The following HPF1 variants were observed in gnomAD, a reference collection of about 807,000 sequenced individuals.
HPF1 encodes histone PARylation factor 1, also known as UPF0609 protein C4orf27.
In HPF1, 35 loss-of-function variants were observed where a neutral mutation model predicts 38.8. The observed-to-expected ratio is 0.90, with a 90% CI of 0.69 to 1.19. The LOEUF is 1.19. HPF1 is among the 50% of genes most tolerant of loss of function. The pLI, the probability that HPF1 is intolerant of heterozygous loss-of-function variation, is 0.00. For synonymous variants in HPF1, 115 were observed against 139.2 expected (o/e 0.83, Z 1.22); for missense variants, 367 against 405.8 (o/e 0.90, Z 0.82).
intron 5 of HPF1, among the ~76,000 whole-genome samples, chr4:169,738,731 G>A (rs1040606849): frequency 1.3e-5 from 2 of 152,090 alleles, no homozygotes; most frequent in African/African-American, 4.8e-5. Flanking sequence ...TTTCTATCAA[G>A]ATAATCTGCA....
chr4:169,750,205 C>T (rs761226118), intron 3 of HPF1, among the ~76,000 whole-genome samples: 14 of 151,978 alleles, frequency 9.2e-5, no homozygotes, highest in Non-Finnish European at 5.9e-5. Context: ...AGTGTGACTC[C>T]AGAGACCACT....
rs1371493943 is a variant in HPF1 at position 169,753,665 on chromosome 4, G to A, written c.208+11C>T. The A allele has an allele frequency of 1.9e-6, 3 of 1,606,626 alleles. No individual in the cohort carries two copies. The highest frequency in any genetic ancestry group is 1.7e-6 in the Non-Finnish European group (2 of 1,176,112). ...TTCCATTAATACAAGAATGATTCTGGAGCAACTCACCAGATGGCTTTTCAG... is the reference window on the plus strand; with the variant it reads ...TTCCATTAATACAAGAATGATTCTGAAGCAACTCACCAGATGGCTTTTCAG... On this transcript the variant is annotated intron_variant, in intron 2 of 7. Coordinates refer to ENST00000393381, the MANE Select transcript of HPF1 (RefSeq NM_017867.3).
intron 4 of HPF1, among the ~76,000 whole-genome samples, chr4:169,744,164 C>T (rs148457858): frequency 1.4e-4 from 22 of 152,306 alleles, no homozygotes; most frequent in African/African-American, 2.4e-4. Context: ...CACTCTGGCA[C>T]GGCAATATAG....
intron 2 of HPF1, among the ~76,000 whole-genome samples, chr4:169,753,356 G>A (rs1205918009): frequency 2.7e-5 from 4 of 150,526 alleles, no homozygotes; most frequent in South Asian, 2.1e-4. Context: ...TTTTAGAGAC[G>A]GGGTCTTGCT....
chr4:169,740,806 A>C (rs538873878), intron 5 of HPF1, among the ~76,000 whole-genome samples: 4 of 152,232 alleles, frequency 2.6e-5, no homozygotes, highest in African/African-American at 9.6e-5. Flanking sequence ...GGGAAGAATT[A>C]AGAAAATCTC....
intron 2 of HPF1, among the ~76,000 whole-genome samples, chr4:169,752,468 T>C (rs1734132168): frequency 6.6e-6 from 1 of 152,156 alleles, no homozygotes; most frequent in Non-Finnish European, 1.5e-5. Context: ...ATTTAAATAG[T>C]ATAGTGCAAA....
At chr4:169,732,137 A>AT (rs70964219) in intron 6 of HPF1, 3,287 of 155,894 alleles carry the variant, frequency 0.021, 46 homozygotes, top group African/African-American at 0.045. Flanking sequence ...TACAGTCACG[A>AT]TTTTTTTTTT....
chr4:169,750,379 G>A (rs1734101806), intron 3 of HPF1, 157 bp downstream of exon 3: 1 of 499,138 alleles, frequency 2.0e-6, no homozygotes, highest in East Asian at 3.1e-5. Context: ...CCATCCTAGG[G>A]AAGGTTAAAA....
At chr4:169,739,454 A>C (rs72696684) in intron 5 of HPF1, among the ~76,000 whole-genome samples, 6,561 of 152,218 alleles carry the variant, frequency 0.043, 149 homozygotes, top group Middle Eastern at 0.075. Flanking sequence ...GCCAACAGAG[A>C]AAAGTATTTA....
intron 2 of HPF1, among the ~76,000 whole-genome samples, chr4:169,752,852 A>G (rs1734136809): frequency 6.6e-6 from 1 of 152,170 alleles, no homozygotes; most frequent in Non-Finnish European, 1.5e-5. Context: ...AACACATGAA[A>G]GAGCTTGCTT....
chr4:169,733,825 G>A lies in HPF1; in HGVS notation c.737-1949C>T, dbSNP rs146364080. 6.3e-3 allele frequency among the ~76,000 whole-genome samples: 957 copies of A among 151,742 alleles called. 7 individuals are homozygous for A. Among genetic ancestry groups the A allele is most frequent in the African/African-American group, 0.022 (904 of 41,270 alleles). ...GTGGGAGGATCACCCAGTGCAGGAG[G>A]TGCAGGCTGCAGTGAGCCGTGGTCA... On this transcript the variant is annotated intron_variant, in intron 6 of 7. Transcript: ENST00000393381.
intron 3 of HPF1, among the ~76,000 whole-genome samples, chr4:169,749,630 C>T (rs1734093270): frequency 6.6e-6 from 1 of 150,570 alleles, no homozygotes; most frequent in Non-Finnish European, 1.5e-5. Context: ...GTTTTAAGCT[C>T]CAAGTTTCTT....
At chr4:169,742,462 GAAAAAAAAGTAGACATC>G (rs779681691) in intron 4 of HPF1, among the ~76,000 whole-genome samples, 34 of 151,744 alleles carry the variant, frequency 2.2e-4, no homozygotes, top group African/African-American at 5.3e-4. Context: ...TGACCTAACA[GAAAAAAAAGTAGACATC>G]AAAAAAAAGT....
intron 4 of HPF1, among the ~76,000 whole-genome samples, chr4:169,744,207 A>G (rs1734016334): frequency 6.6e-6 from 1 of 152,176 alleles, no homozygotes. Flanking sequence ...GTATTTTCAC[A>G]CTTTCACACA....
intron 4 of HPF1, among the ~76,000 whole-genome samples, chr4:169,742,396 A>G (rs189292329): frequency 2.6e-5 from 4 of 152,346 alleles, no homozygotes; most frequent in African/African-American, 9.6e-5. Flanking sequence ...GAGATTAGTC[A>G]AGGTTTAAAC....
At chr4:169,742,674 C>A (rs1317624951) in intron 4 of HPF1, among the ~76,000 whole-genome samples, 1 of 152,168 alleles carries the variant, frequency 6.6e-6, no homozygotes, top group African/African-American at 2.4e-5. Context: ...CGCCTGTAGT[C>A]CCAGCTACTT....
chr4:169,754,732 A>T (rs983688707), intron 1 of HPF1, among the ~76,000 whole-genome samples: 3 of 152,016 alleles, frequency 2.0e-5, no homozygotes, highest in Non-Finnish European at 4.4e-5. Context: ...CCCCCAGGGG[A>T]CATTTGGAGA....
chr4:169,741,883 T>C (rs1581316989), intron 5 of HPF1, 74 bp downstream of exon 5: 1 of 1,250,154 alleles, frequency 8.0e-7, no homozygotes, highest in Non-Finnish European at 1.1e-6. Flanking sequence ...AAGGGTAAAG[T>C]AGAGATGGGA....
intron 4 of HPF1, among the ~76,000 whole-genome samples, chr4:169,745,093 G>A (rs1179671978): frequency 6.6e-6 from 1 of 152,234 alleles, no homozygotes; most frequent in Non-Finnish European, 1.5e-5. Context: ...TTTCAGAGTA[G>A]GGTGGTGGGG....
Sources: gnomAD v4.1 joint callset for allele counts (sites outside exome capture counted in the v4.1 genomes callset) on GRCh38, gnomAD v4.1.1 for gene constraint, MANE v1.5 for transcripts, NCBI Gene and HGNC (gene_info 2026-07-23, HGNC 2026-07-21) for gene names.